The following EPB41L5 variants were observed in gnomAD, a reference collection of about 807,000 sequenced individuals.
The protein encoded by EPB41L5 is erythrocyte membrane protein band 4.1 like 5, also known as band 4.1-like protein 5.
Under a neutral mutation model 106.6 loss-of-function variants are expected in EPB41L5, and 55 were observed. The ratio of observed to expected loss-of-function variants is 0.52; its 90% CI spans 0.42 to 0.65. EPB41L5 has a LOEUF of 0.65. EPB41L5 is among the 30% of genes least tolerant of loss of function. The pLI is 0.00. For synonymous variants in EPB41L5, 297 were observed against 306.7 expected, an observed-to-expected ratio of 0.97 and a Z score of 0.33; for missense variants, 871 against 882.1, an observed-to-expected ratio of 0.99 and a Z score of 0.16.
rs559005203 is a variant in EPB41L5 at position 120,075,445 on chromosome 2, G to A, written c.408-31G>A. On this transcript the variant is annotated intron_variant, in intron 5 of 24. Transcript: ENST00000263713. ...TTTTTTCACAGTCGATTGTGCTGTT[G>A]GGTTAAATTTGTGCCTTTCATTTTT... is the stretch of plus-strand genomic sequence containing the variant. The A allele has an allele frequency of 7.5e-6, 11 of 1,459,306 alleles. No homozygotes were observed. The African/African-American group carries it at 8.4e-5, about 11-fold the overall frequency. 90.4% of individuals were successfully genotyped at this position (1,459,306 alleles called of 1,614,324 possible). A position where few individuals can be genotyped will look rare whatever the true frequency, so the allele number is the denominator to read the frequency against.
intron 2 of EPB41L5, among the ~76,000 whole-genome samples, chr2:120,021,908 C>G (rs1254902344): frequency 6.6e-6 from 1 of 151,968 alleles, no homozygotes; most frequent in Admixed American, 6.6e-5. Flanking sequence ...TACTCATTTC[C>G]CATTACGATA....
intron 18 of EPB41L5, among the ~76,000 whole-genome samples, chr2:120,136,353 T>A (rs1685923482): frequency 6.7e-6 from 1 of 150,284 alleles, no homozygotes; most frequent in Admixed American, 6.6e-5. Flanking sequence ...GAAGAGAAGA[T>A]CACAAAACAA....
chr2:120,167,828 C>T, intron 23 of EPB41L5, 49 bp from the exon 24 acceptor site: 2 of 1,608,606 alleles, frequency 1.2e-6, no homozygotes, highest in Non-Finnish European at 1.7e-6. Flanking sequence ...AAGTGCTGAC[C>T]AGGCAGGTAT....
Position 120,163,980 on chromosome 2 carries a change from C to CTTTTTTTTTTTTTTTTTTTTT in EPB41L5, c.1888-836_1888-835insTTTTTTTTTTTTTTTTTTTTT, listed in dbSNP as rs70949387. 8.8e-5 allele frequency among the ~76,000 whole-genome samples: 6 copies of CTTTTTTTTTTTTTTTTTTTTT among 68,150 alleles called. 1 individual carries two copies. The highest frequency in any genetic ancestry group is 1.6e-4 in the Non-Finnish European group (6 of 36,842). The allele number at this position is 68,150 out of a possible 152,430, so 44.7% of individuals were successfully genotyped here. A position where few individuals can be genotyped will look rare whatever the true frequency, so the allele number is the denominator to read the frequency against. On this transcript the variant is annotated intron_variant, in intron 21 of 24. Transcript: ENST00000263713. ...ACTTTTTTTTATTTTTTTGTATTTA[C>CTTTTTTTTTTTTTTTTTTTTT]TTTTTTTTTTTTTTTTTTTTGAGAT...
At chr2:120,078,063 C>T (rs1558853431) in intron 9 of EPB41L5, among the ~76,000 whole-genome samples, 1 of 152,154 alleles carries the variant, frequency 6.6e-6, no homozygotes, top group Non-Finnish European at 1.5e-5. Flanking sequence ...AAGTCCGTCT[C>T]CATGATTCAG....
intron 21 of EPB41L5, among the ~76,000 whole-genome samples, chr2:120,163,264 C>A (rs879719532): frequency 1.3e-4 from 18 of 136,540 alleles, no homozygotes; most frequent in Non-Finnish European, 2.8e-4. Context: ...CTCTGCCCCC[C>A]CCCCCCCCAA....
At chr2:120,151,449 T>C (rs1686668435) in intron 20 of EPB41L5, among the ~76,000 whole-genome samples, 1 of 152,066 alleles carries the variant, frequency 6.6e-6, no homozygotes, top group South Asian at 2.1e-4. Flanking sequence ...TTAACAACTA[T>C]GTTACAACAG....
chr2:120,139,727 GT>G (rs1341864811), intron 18 of EPB41L5, among the ~76,000 whole-genome samples: 2 of 151,994 alleles, frequency 1.3e-5, no homozygotes, highest in East Asian at 3.9e-4. Context: ...TACACTGTTG[GT>G]GGGAATGTAA....
rs1685522874 is a variant in EPB41L5 at position 120,127,783 on chromosome 2, A to C, written c.1433A>C (p.Gln478Pro). 6.2e-7 allele frequency: 1 copy of C among 1,613,620 alleles called. No homozygotes were observed. Among genetic ancestry groups the C allele is most frequent in the Non-Finnish European group, 8.5e-7 (1 of 1,179,726 alleles). The change falls in exon 17 of 25, where the codon CAA becomes CCA. Residue 478 changes from glutamine to proline, a missense_variant. Gln to Pro is a moderately conservative substitution (Grantham distance 76, BLOSUM62 -1). Coordinates refer to ENST00000263713, the MANE Select transcript of EPB41L5 (RefSeq NM_020909.4). Reference protein sequence around the residue: ...IGASDTMETSQALNDVNVATR... With the variant: ...IGASDTMETSPALNDVNVATR... ...GCATCTGACACTATGGAAACATCCC[A>C]AGCACTGAATGACGTTAATGTAGCC...
intron 2 of EPB41L5, among the ~76,000 whole-genome samples, chr2:120,029,952 C>A (rs1045034437): frequency 6.6e-6 from 1 of 152,114 alleles, no homozygotes; most frequent in African/African-American, 2.4e-5. Context: ...TTCCAGTCTT[C>A]GTAGCCCACA....
At chr2:120,103,321 T>G (rs1320266521) in intron 16 of EPB41L5, among the ~76,000 whole-genome samples, 5 of 152,204 alleles carry the variant, frequency 3.3e-5, no homozygotes, top group Non-Finnish European at 7.4e-5. Context: ...CATGTTTCAC[T>G]CTTAGAATTC....
chr2:120,093,519 C>G (rs955509559), intron 14 of EPB41L5, among the ~76,000 whole-genome samples: 1 of 152,098 alleles, frequency 6.6e-6, no homozygotes, highest in African/African-American at 2.4e-5. Flanking sequence ...AATGACATAC[C>G]TTTGTTATTG....
chr2:120,035,322 C>T (rs1039333986), intron 2 of EPB41L5, among the ~76,000 whole-genome samples: 10 of 152,094 alleles, frequency 6.6e-5, no homozygotes, highest in Non-Finnish European at 8.8e-5. Context: ...AGTCTCGGAA[C>T]GCCTGGTCTT....
At chr2:120,015,063 C>T (rs1194139674) in intron 1 of EPB41L5, among the ~76,000 whole-genome samples, 1 of 151,210 alleles carries the variant, frequency 6.6e-6, no homozygotes, top group East Asian at 2.0e-4. Flanking sequence ...GTGGCTCACG[C>T]CTGTAATCCC....
intron 20 of EPB41L5, among the ~76,000 whole-genome samples, chr2:120,149,104 C>G (rs764321926): frequency 2.4e-4 from 36 of 151,972 alleles, no homozygotes; most frequent in Admixed American, 1.8e-3. Flanking sequence ...TTTGCATTTA[C>G]CTAAGGACTA....
chr2:120,077,275 A>G lies in EPB41L5; in HGVS notation c.673A>G (p.Lys225Glu). ...TGAAACCAATTATCTGAATAAAGCC[A>G]AATGGCTAGAAATGTATGGGGTTGA... The part of the protein sequence containing the change: ...QAETNYLNKA[K>E]WLEMYGVDMH... The change falls in exon 9 of 25, where the codon AAA becomes GAA. Residue 225 changes from lysine (K) to glutamate (E), a missense_variant. Physicochemically the swap from Lys to Glu is moderately conservative, Grantham distance 56. Transcript: ENST00000263713. The G allele has an allele frequency of 6.2e-7, 1 of 1,612,190 alleles. No individual in the cohort carries two copies. The highest frequency in any genetic ancestry group is 8.5e-7 in the Non-Finnish European group (1 of 1,178,742).
rs3084679 is a variant in EPB41L5, at chr2:120,128,256, A to AACACACACACACACACACACAC, written c.1501+419_1501+440dup. On this transcript the variant is annotated intron_variant, in intron 17 of 24. Coordinates refer to ENST00000263713, the MANE Select transcript of EPB41L5 (RefSeq NM_020909.4). ...TAACACAGAAAGAATGGTGCTTTAAAACACACACACACACACACACACACA... is the reference window on the plus strand; with the variant it reads ...TAACACAGAAAGAATGGTGCTTTAAAACACACACACACACACACACACACACACACACACACACACACACACA... Among the ~76,000 whole-genome samples the AACACACACACACACACACACAC allele has an allele frequency of 5.9e-3, 859 of 145,382 alleles. 10 individuals carry two copies. The highest frequency in any genetic ancestry group is 0.021 in the African/African-American group (808 of 38,892).
At chr2:120,034,616 C>G (rs1239193310) in intron 2 of EPB41L5, among the ~76,000 whole-genome samples, 1 of 151,954 alleles carries the variant, frequency 6.6e-6, no homozygotes, top group African/African-American at 2.4e-5. Flanking sequence ...TAACCCAGCA[C>G]TTTGGGAGGC....
chr2:120,077,712 CTT>C (rs67563912), intron 9 of EPB41L5, among the ~76,000 whole-genome samples: 104,359 of 151,822 alleles, frequency 0.69, 37,428 homozygotes, highest in Non-Finnish European at 0.79. Context: ...AGCTTAAAGA[CTT>C]TGATAAACTT....
Sources: allele counts gnomAD v4.1 joint callset (sites outside exome capture counted in the v4.1 genomes callset), GRCh38; gene constraint gnomAD v4.1.1; transcripts MANE v1.5; gene names NCBI Gene and HGNC (gene_info 2026-07-23, HGNC 2026-07-21).